Variants in KANTR observed in about 807,000 individuals in gnomAD.
KANTR encodes the protein KANTR integral membrane protein.
chrX:53,139,220 CAAAAAAAAAAA>C (rs200871442), intron 2 of KANTR, among the ~76,000 whole-genome samples: 53 of 79,817 alleles, frequency 6.6e-4, no homozygotes, highest in African/African-American at 2.8e-3. Context: ...GACTCCGTCT[CAAAAAAAAAAA>C]AAAAAAAAAA....
downstream of KANTR, chrX:53,143,567 C>T (rs781831053): frequency 1.8e-5 from 11 of 625,348 alleles, no homozygotes; most frequent in South Asian, 2.2e-4. Flanking sequence ...CATCTTTTCT[C>T]TGTTGGCCTT....
intron 2 of KANTR, among the ~76,000 whole-genome samples, chrX:53,117,662 C>G (rs1387312169): frequency 3.5e-5 from 3 of 86,924 alleles, no homozygotes; most frequent in Non-Finnish European, 6.3e-5. Flanking sequence ...GTCGCCCAGG[C>G]TGTAGTGCAG....
At chrX:53,102,147 T>G (rs1044518842) in intron 2 of KANTR, among the ~76,000 whole-genome samples, 5 of 112,367 alleles carry the variant, frequency 4.4e-5, no homozygotes, top group Admixed American at 3.8e-4. Flanking sequence ...ATTTACTCAA[T>G]ACAACTTTGC....
At chrX:53,128,670 T>C (rs1933319885), downstream of KANTR, among the ~76,000 whole-genome samples, 1 of 111,601 alleles carries the variant, frequency 9.0e-6, no homozygotes, top group Non-Finnish European at 1.9e-5. Flanking sequence ...GTCCAATTCA[T>C]GTAAGTTTTC....
downstream of KANTR, chrX:53,143,112 C>T (rs1556818720): frequency 8.6e-7 from 1 of 1,161,493 alleles, no homozygotes; most frequent in Non-Finnish European, 1.2e-6. Flanking sequence ...CGCAGGATTC[C>T]ATGCCCAAGA....
downstream of KANTR, among the ~76,000 whole-genome samples, chrX:53,146,970 C>G (rs1182122939): frequency 6.3e-5 from 7 of 111,973 alleles, no homozygotes; most frequent in Non-Finnish European, 1.3e-4. Flanking sequence ...GAAGGAAGCA[C>G]TAAACATGGA....
At chrX:53,146,038 A>T (rs782125499), downstream of KANTR, among the ~76,000 whole-genome samples, 118 of 111,755 alleles carry the variant, frequency 1.1e-3, 1 homozygote, top group African/African-American at 3.5e-3. Flanking sequence ...ATAAAACCAC[A>T]AAGATGGGGA....
intron 2 of KANTR, among the ~76,000 whole-genome samples, chrX:53,140,839 A>G (rs1933493036): frequency 8.9e-6 from 1 of 112,166 alleles, no homozygotes; most frequent in South Asian, 3.7e-4. Context: ...AGTATCTCTA[A>G]CATTTGTAAC....
intron 2 of KANTR, among the ~76,000 whole-genome samples, chrX:53,111,213 T>C (rs782258139): frequency 2.2e-4 from 24 of 108,205 alleles, no homozygotes; most frequent in African/African-American, 8.1e-4. Flanking sequence ...GATGGGGTCT[T>C]GCTATGTTGC....
At chrX:53,129,332 G>A (rs1319576983), downstream of KANTR, among the ~76,000 whole-genome samples, 3 of 107,412 alleles carry the variant, frequency 2.8e-5, no homozygotes, top group African/African-American at 1.0e-4. Flanking sequence ...CTCGTGATCC[G>A]CCTGCCTTGA....
exon 3 of KANTR, chrX:53,126,054 G>A (rs1013160194): frequency 9.1e-6 from 1 of 110,334 alleles, no homozygotes; most frequent in African/African-American, 3.3e-5. Context: ...TTAAGAAGTC[G>A]ACTATCAGAC....
At chrX:53,102,334 T>C (rs1372570821) in intron 2 of KANTR, among the ~76,000 whole-genome samples, 1 of 112,158 alleles carries the variant, frequency 8.9e-6, no homozygotes, top group Non-Finnish European at 1.9e-5. Context: ...CCACATTACA[T>C]TTAGTTATCA....
chrX:53,096,137 C>T (rs1011087612), intron 1 of KANTR, among the ~76,000 whole-genome samples: 13 of 111,340 alleles, frequency 1.2e-4, no homozygotes, highest in Non-Finnish European at 2.3e-4. Context: ...CTAATATGCC[C>T]CTGCTCTGTC....
At chrX:53,129,424 T>C (rs1349408843), downstream of KANTR, among the ~76,000 whole-genome samples, 5 of 111,118 alleles carry the variant, frequency 4.5e-5, no homozygotes, top group Non-Finnish European at 1.9e-5. Flanking sequence ...TACAGAACTT[T>C]AGAAAATCCT....
intron 2 of KANTR, among the ~76,000 whole-genome samples, chrX:53,104,474 G>A (rs188526697): frequency 7.5e-4 from 83 of 109,962 alleles, no homozygotes; most frequent in African/African-American, 2.5e-3. Context: ...TGATCCACCC[G>A]CCTCGGCCTC....
chrX:53,115,176 C>T (rs782221328), intron 2 of KANTR, among the ~76,000 whole-genome samples: 7 of 111,591 alleles, frequency 6.3e-5, no homozygotes, highest in East Asian at 2.9e-4. Flanking sequence ...GGCAGGCCTG[C>T]GGCCTAGGGC....
downstream of KANTR, among the ~76,000 whole-genome samples, chrX:53,147,049 C>G (rs782529834): frequency 8.1e-5 from 9 of 111,551 alleles, no homozygotes; most frequent in Non-Finnish European, 1.3e-4. Context: ...CTAGGAAGAA[C>G]CTGCATCAAC....
In KANTR at chrX:53,112,115, C is replaced by T. The variant is rs782226548; in HGVS notation, c.-804-11354C>T. Among the ~76,000 whole-genome samples, 5 of 110,872 alleles carry T rather than the reference C, an allele frequency of 4.5e-5. No homozygotes were observed. The East Asian group carries it at 1.4e-3, about 31-fold the overall frequency. On this transcript the variant is annotated intron_variant, in intron 2 of 2. Coordinates refer to ENST00000604062, the Ensembl canonical transcript of KANTR. ...ATACCCAATGTGTAGTCTTTTATCCCTCACCCCCTCCCACCCGTTCCCCCA... is the reference window on the plus strand; with the variant it reads ...ATACCCAATGTGTAGTCTTTTATCCTTCACCCCCTCCCACCCGTTCCCCCA...
At chrX:53,097,349 A>G (rs1347911990) in intron 1 of KANTR, among the ~76,000 whole-genome samples, 1 of 42,527 alleles carries the variant, frequency 2.4e-5, no homozygotes, top group African/African-American at 5.6e-5. Context: ...ATTTGTTTTA[A>G]GTTTTTTTTT....
Sources: allele counts gnomAD v4.1 joint callset (sites outside exome capture counted in the v4.1 genomes callset), GRCh38; gene constraint gnomAD v4.1.1; transcripts MANE v1.5; gene names NCBI Gene and HGNC (gene_info 2026-07-23, HGNC 2026-07-21).